Variants in DLGAP2 observed in about 807,000 individuals in gnomAD.
DLGAP2 encodes disks large-associated protein 2.
DLGAP2 carries 26 observed loss-of-function variants against 100.3 expected under a neutral mutation model. That is an observed-to-expected ratio of 0.26 (90% CI 0.19 to 0.36). The LOEUF is 0.36. Ranked by LOEUF, DLGAP2 falls within the 10% of genes least tolerant of loss-of-function variation. DLGAP2 has a pLI of 1.00. For synonymous variants in DLGAP2, 886 were observed against 630.1 expected, an observed-to-expected ratio of 1.41 and a Z score of -6.08; for missense variants, 1,858 against 1,453.2, an observed-to-expected ratio of 1.28 and a Z score of -4.53.
intron 1 of DLGAP2, chr8:822,291 G>C: frequency 2.5e-6 from 1 of 399,152 alleles, no homozygotes. Flanking sequence ...CTCCACCCGG[G>C]GAGGGGCACA....
rs1325278544 is a variant in DLGAP2, at chr8:1,063,777, A to ATT, written c.73+155812_73+155813insTT. 2.0e-5 allele frequency among the ~76,000 whole-genome samples: 3 copies of ATT among 152,170 alleles called. No homozygotes were observed. The East Asian group carries it at 5.8e-4, about 29-fold the overall frequency. ...TTGGTTTGTGCATATTTAGGTGGGT[A>ATT]TCGACTATTTCATTCATAATTTTGT... On this transcript the variant is annotated intron_variant, in intron 2 of 14. Transcript: ENST00000637795.
intron 3 of DLGAP2, among the ~76,000 whole-genome samples, chr8:1,437,348 A>G (rs1317399185): frequency 6.6e-6 from 1 of 152,266 alleles, no homozygotes; most frequent in Non-Finnish European, 1.5e-5. Flanking sequence ...CACAACCACG[A>G]GGCCACCTTA....
chr8:1,664,543 T>A (rs1798495738), intron 8 of DLGAP2, among the ~76,000 whole-genome samples: 1 of 152,166 alleles, frequency 6.6e-6, no homozygotes, highest in East Asian at 1.9e-4. Flanking sequence ...CTTACAATGT[T>A]GTATCCACCA....
At chr8:1,353,461 C>T (rs183838316) in intron 3 of DLGAP2, among the ~76,000 whole-genome samples, 17 of 152,244 alleles carry the variant, frequency 1.1e-4, no homozygotes, top group African/African-American at 3.9e-4. Context: ...GGCTTTGTGC[C>T]GGATGATCTT....
At chr8:1,389,646 C>G (rs1351649889) in intron 3 of DLGAP2, among the ~76,000 whole-genome samples, 1 of 152,062 alleles carries the variant, frequency 6.6e-6, no homozygotes, top group Non-Finnish European at 1.5e-5. Context: ...GCTTCCAGAC[C>G]TCAGATTGTG....
chr8:768,938 C>T (rs572057114), intron 1 of DLGAP2, among the ~76,000 whole-genome samples: 1 of 152,138 alleles, frequency 6.6e-6, no homozygotes, highest in Admixed American at 6.5e-5. Flanking sequence ...TGGCTCTGGT[C>T]TGAACCTTGG....
At chr8:1,470,320 C>G (rs562768827) in intron 3 of DLGAP2, among the ~76,000 whole-genome samples, 3 of 152,312 alleles carry the variant, frequency 2.0e-5, no homozygotes, top group South Asian at 2.1e-4. Context: ...TGCCATCCTT[C>G]ATCCCTCAGC....
intron 3 of DLGAP2, among the ~76,000 whole-genome samples, chr8:1,407,573 G>C (rs1420019267): frequency 1.1e-5 from 1 of 87,338 alleles, no homozygotes; most frequent in African/African-American, 4.9e-5. Context: ...CTCCAGAGTC[G>C]TGTATTGAGT....
intron 1 of DLGAP2, among the ~76,000 whole-genome samples, chr8:902,332 C>T (rs1040834564): frequency 4.6e-5 from 7 of 151,120 alleles, no homozygotes; most frequent in African/African-American, 1.2e-4. Flanking sequence ...GAGGGGGACA[C>T]GCGGTCTTGC....
intron 3 of DLGAP2, among the ~76,000 whole-genome samples, chr8:1,367,253 T>C (rs986175420): frequency 1.3e-5 from 2 of 152,232 alleles, no homozygotes; most frequent in African/African-American, 4.8e-5. Context: ...GGAGTCACCA[T>C]AGGTGACATA....
At chr8:1,453,731 C>T (rs1798227495) in intron 3 of DLGAP2, among the ~76,000 whole-genome samples, 1 of 152,218 alleles carries the variant, frequency 6.6e-6, no homozygotes, top group South Asian at 2.1e-4. Context: ...CGAGAGTATG[C>T]ACTTGCCTAT....
chr8:1,680,971 T>C (rs553515819), intron 12 of DLGAP2: 4 of 152,306 alleles, frequency 2.6e-5, no homozygotes, highest in African/African-American at 9.6e-5. Context: ...GAGACCTGCA[T>C]GTCACTCAAT....
In DLGAP2 at chr8:1,632,945, A is replaced by G; in HGVS notation, c.1709A>G (p.His570Arg). 1 of 1,614,026 alleles carries G rather than the reference A, an allele frequency of 6.2e-7. No homozygotes were observed. Among genetic ancestry groups the G allele is most frequent in the Non-Finnish European group, 8.5e-7 (1 of 1,179,892 alleles). ...CCGGGATGTTTCCGAACAAGGAGTC[A>G]CAGCTACCTTCGAGCCATTCAAGCC... ...DLPGCFRTRSHSYLRAIQAGY... is the reference protein window; with the variant it reads ...DLPGCFRTRSRSYLRAIQAGY... The change falls in exon 8 of 15, where the codon CAC becomes CGC. Residue 570 changes from histidine to arginine, a missense_variant. By Grantham distance (29) the His-to-Arg change is conservative. Transcript: ENST00000637795.
chr8:1,171,244 A>T (rs1797121951), intron 2 of DLGAP2, among the ~76,000 whole-genome samples: 1 of 151,978 alleles, frequency 6.6e-6, no homozygotes. Flanking sequence ...GTGGTCTGAG[A>T]GATAGTTTGT....
At chr8:1,419,868 A>C (rs1563135799) in intron 3 of DLGAP2, among the ~76,000 whole-genome samples, 1 of 152,200 alleles carries the variant, frequency 6.6e-6, no homozygotes, top group Admixed American at 6.5e-5. Flanking sequence ...GCCAAAAGAA[A>C]TGGTATCAGA....
At chr8:1,312,704 A>G (rs1318009999) in intron 3 of DLGAP2, among the ~76,000 whole-genome samples, 2 of 152,268 alleles carry the variant, frequency 1.3e-5, no homozygotes, top group Non-Finnish European at 2.9e-5. Context: ...TTTACAAAAA[A>G]TAAAATTAAA....
chr8:1,160,232 T>G (rs1265011355), intron 2 of DLGAP2, among the ~76,000 whole-genome samples: 2 of 152,212 alleles, frequency 1.3e-5, no homozygotes. Context: ...GCACAGTTTT[T>G]CAGCTGGGTG....
intron 1 of DLGAP2, among the ~76,000 whole-genome samples, chr8:853,378 C>T (rs1490155169): frequency 6.6e-6 from 1 of 152,224 alleles, no homozygotes; most frequent in Non-Finnish European, 1.5e-5. Context: ...TTGTGAGAGA[C>T]ACGGTGCCCA....
intron 5 of DLGAP2, among the ~76,000 whole-genome samples, chr8:1,563,128 G>A (rs13278774): frequency 2.2e-3 from 82 of 37,164 alleles, no homozygotes; most frequent in South Asian, 3.6e-3. Context: ...GCGCCTCATT[G>A]CTGGGGGACT....
Sources: gnomAD v4.1 joint callset for allele counts (sites outside exome capture counted in the v4.1 genomes callset) on GRCh38, gnomAD v4.1.1 for gene constraint, MANE v1.5 for transcripts, NCBI Gene and HGNC (gene_info 2026-07-23, HGNC 2026-07-21) for gene names.